The following TC2N variants were observed in gnomAD, a reference collection of about 807,000 sequenced individuals.
The protein encoded by TC2N is tandem C2 domains nuclear protein.
In TC2N, 51 loss-of-function variants were observed where a neutral mutation model predicts 61.9. The ratio of observed to expected loss-of-function variants is 0.82; its 90% CI spans 0.66 to 1.04. TC2N has a LOEUF of 1.04. TC2N is among the 50% of genes least tolerant of loss of function. The pLI is 0.00. For missense variants in TC2N, 556 were observed against 566.7 expected, an observed-to-expected ratio of 0.98 and a Z score of 0.19; for synonymous variants, 204 against 192.6, an observed-to-expected ratio of 1.06 and a Z score of -0.49.
At chr14:91,819,899 G>T in intron 1 of TC2N, among the ~76,000 whole-genome samples, 1 of 151,802 alleles carries the variant, frequency 6.6e-6, no homozygotes, top group Non-Finnish European at 1.5e-5. Context: ...TAAGAAAACA[G>T]AGTTACAGCT....
intron 1 of TC2N, among the ~76,000 whole-genome samples, chr14:91,823,527 A>G (rs1479748495): frequency 1.9e-4 from 1 of 5,294 alleles, no homozygotes; most frequent in African/African-American, 2.0e-4. Context: ...TCTCAAAAAA[A>G]AAAAAAAAGA....
intron 1 of TC2N, among the ~76,000 whole-genome samples, chr14:91,852,847 A>G (rs1888401944): frequency 6.6e-6 from 1 of 152,144 alleles, no homozygotes; most frequent in Non-Finnish European, 1.5e-5. Flanking sequence ...CAGAGGGGGC[A>G]GATCATGAGG....
intron 1 of TC2N, among the ~76,000 whole-genome samples, chr14:91,856,658 G>C (rs575577884): frequency 1.3e-5 from 2 of 152,338 alleles, no homozygotes; most frequent in East Asian, 3.9e-4. Context: ...AAAGCCCAGA[G>C]TGCCATATGG....
intron 8 of TC2N, 38 bp downstream of exon 8, chr14:91,797,747 A>C (rs1258068583): frequency 7.5e-7 from 1 of 1,337,020 alleles, no homozygotes; most frequent in African/African-American, 1.5e-5. Context: ...AAAAAAAAAA[A>C]AAACAGAAAA....
intron 1 of TC2N, chr14:91,836,078 C>T (rs1369182867): frequency 3.3e-5 from 5 of 152,360 alleles, no homozygotes; most frequent in Non-Finnish European, 7.3e-5. Context: ...TCTCAGGCCC[C>T]CGCGACACAG....
intron 3 of TC2N, among the ~76,000 whole-genome samples, chr14:91,809,579 G>C (rs1240808409): frequency 6.6e-6 from 1 of 152,086 alleles, no homozygotes; most frequent in Non-Finnish European, 1.5e-5. Context: ...GTTGATTCTG[G>C]GGAAAAAGGT....
At chr14:91,784,127 C>T (rs1885250615) in intron 11 of TC2N, among the ~76,000 whole-genome samples, 1 of 152,066 alleles carries the variant, frequency 6.6e-6, no homozygotes, top group Non-Finnish European at 1.5e-5. Context: ...AGAACCTTTC[C>T]AGAATTATTA....
At chr14:91,838,853 G>A (rs752501968) in intron 1 of TC2N, among the ~76,000 whole-genome samples, 2 of 152,290 alleles carry the variant, frequency 1.3e-5, no homozygotes, top group East Asian at 1.9e-4. Flanking sequence ...CCTCCTTCCT[G>A]TTCTATCTGA....
intron 1 of TC2N, among the ~76,000 whole-genome samples, chr14:91,838,475 T>A (rs1448602259): frequency 1.3e-5 from 2 of 152,196 alleles, no homozygotes; most frequent in Non-Finnish European, 2.9e-5. Context: ...AGCACATCCT[T>A]GGTTAGAAAT....
At chr14:91,804,627 CATA>C (rs1886422716) in intron 3 of TC2N, among the ~76,000 whole-genome samples, 1 of 152,028 alleles carries the variant, frequency 6.6e-6, no homozygotes, top group Non-Finnish European at 1.5e-5. Context: ...ATCTAAAAAA[CATA>C]ATGTTGAATG....
chr14:91,822,137 C>A (rs1282521116), intron 1 of TC2N, among the ~76,000 whole-genome samples: 1 of 152,120 alleles, frequency 6.6e-6, no homozygotes, highest in African/African-American at 2.4e-5. Context: ...TCCAGACATG[C>A]CATTACTACA....
intron 1 of TC2N, among the ~76,000 whole-genome samples, chr14:91,863,948 C>T (rs1311840597): frequency 6.6e-6 from 1 of 151,306 alleles, no homozygotes; most frequent in Non-Finnish European, 1.5e-5. Flanking sequence ...GCTATGATTA[C>T]ACCACTACAC....
At chr14:91,825,413 G>C (rs1256055234) in intron 1 of TC2N, among the ~76,000 whole-genome samples, 6 of 152,176 alleles carry the variant, frequency 3.9e-5, no homozygotes, top group Admixed American at 3.9e-4. Flanking sequence ...AAATTACAGA[G>C]AGCCAGCTAA....
intron 10 of TC2N, among the ~76,000 whole-genome samples, chr14:91,787,048 C>A (rs761406721): frequency 2.6e-4 from 39 of 152,172 alleles, no homozygotes; most frequent in Non-Finnish European, 3.4e-4. Flanking sequence ...CCACTCAAAT[C>A]TCTGGGACTA....
chr14:91,833,309 GAATAA>G (rs1385906736), intron 1 of TC2N, among the ~76,000 whole-genome samples: 1 of 151,854 alleles, frequency 6.6e-6, no homozygotes, highest in African/African-American at 2.4e-5. Context: ...AAAACTATAT[GAATAA>G]AATAAAAATT....
intron 1 of TC2N, among the ~76,000 whole-genome samples, chr14:91,857,520 A>T (rs191310177): frequency 8.0e-4 from 122 of 152,292 alleles, no homozygotes; most frequent in Admixed American, 5.9e-3. Context: ...GGGAAGAAAA[A>T]CACCAAGCAC....
intron 10 of TC2N, 23 bp from the exon 11 acceptor site, chr14:91,785,384 T>C: frequency 1.3e-6 from 2 of 1,567,454 alleles, no homozygotes; most frequent in Non-Finnish European, 1.8e-6. Flanking sequence ...AAATATTGGT[T>C]TATAAAATGT....
intron 3 of TC2N, among the ~76,000 whole-genome samples, chr14:91,808,516 C>A (rs1293662100): frequency 6.6e-6 from 1 of 152,140 alleles, no homozygotes; most frequent in Non-Finnish European, 1.5e-5. Context: ...TTTTCTCAAC[C>A]CATCATTCAC....
intron 8 of TC2N, among the ~76,000 whole-genome samples, chr14:91,793,005 A>AT (rs1036626315): frequency 2.0e-5 from 3 of 152,226 alleles, no homozygotes; most frequent in Non-Finnish European, 2.9e-5. Context: ...TAAAGGAGTT[A>AT]TTTTTTGTCT....
Sources: allele counts gnomAD v4.1 joint callset (sites outside exome capture counted in the v4.1 genomes callset), GRCh38; gene constraint gnomAD v4.1.1; transcripts MANE v1.5; gene names NCBI Gene and HGNC (gene_info 2026-07-23, HGNC 2026-07-21).